The following RUNX1 variants were observed in gnomAD, a reference collection of about 807,000 sequenced individuals.
The protein encoded by RUNX1 is RUNX family transcription factor 1, also known as runt-related transcription factor 1.
A neutral mutation model predicts 42.8 loss-of-function variants in RUNX1; 19 were observed. The observed-to-expected ratio is 0.44, with a 90% CI of 0.31 to 0.65. The LOEUF (loss-of-function observed/expected upper bound fraction) is 0.65, where lower values mean the gene tolerates loss of function less well. RUNX1 is among the 30% of genes least tolerant of loss of function. The pLI is 0.07. For missense variants in RUNX1, 528 were observed against 672.0 expected (o/e 0.79, Z 2.37); for synonymous variants, 271 against 289.4 (o/e 0.94, Z 0.64).
intron 7 of RUNX1, among the ~76,000 whole-genome samples, chr21:34,818,595 C>T (rs2056864675): frequency 6.6e-6 from 1 of 152,188 alleles, no homozygotes; most frequent in Non-Finnish European, 1.5e-5. Flanking sequence ...GCCAACACCT[C>T]CAGTACCGGA....
At chr21:34,878,181 AAAAG>A (rs1214155142) in intron 5 of RUNX1, among the ~76,000 whole-genome samples, 1 of 151,172 alleles carries the variant, frequency 6.6e-6, no homozygotes. Flanking sequence ...AAAAAAAAAA[AAAAG>A]AAGAAGAAGG....
chr21:34,828,545 C>T (rs2057021187), intron 7 of RUNX1, among the ~76,000 whole-genome samples: 1 of 152,154 alleles, frequency 6.6e-6, no homozygotes. Context: ...AAATGAGAAT[C>T]ACATGAATTT....
chr21:34,956,525 A>G (rs2058645401), intron 2 of RUNX1, among the ~76,000 whole-genome samples: 1 of 152,190 alleles, frequency 6.6e-6, no homozygotes, highest in South Asian at 2.1e-4. Context: ...GAAATAAAAA[A>G]CACAGTGACT....
At chr21:34,885,665 T>C (rs1028015694) in intron 4 of RUNX1, among the ~76,000 whole-genome samples, 6 of 152,218 alleles carry the variant, frequency 3.9e-5, no homozygotes, top group African/African-American at 1.4e-4. Flanking sequence ...TTCGTCGTTG[T>C]AATAAGATCA....
At chr21:34,947,154 G>C (rs1367822454) in intron 2 of RUNX1, among the ~76,000 whole-genome samples, 2 of 152,212 alleles carry the variant, frequency 1.3e-5, no homozygotes, top group Admixed American at 1.3e-4. Flanking sequence ...TGGATTATAA[G>C]ATGTTTGAGT....
At chr21:34,889,638 G>A in intron 3 of RUNX1, 1 of 1,093,780 alleles carries the variant, frequency 9.1e-7, no homozygotes. Context: ...TCCTCTCCCC[G>A]CCCCCGTGCG....
chr21:34,879,114 G>A (rs928529438), intron 5 of RUNX1, among the ~76,000 whole-genome samples: 2 of 152,180 alleles, frequency 1.3e-5, no homozygotes, highest in African/African-American at 4.8e-5. Flanking sequence ...CACCCACTCT[G>A]CCAGCTACTC....
At chr21:34,840,175 T>C (rs1174323957) in intron 6 of RUNX1, among the ~76,000 whole-genome samples, 2 of 152,182 alleles carry the variant, frequency 1.3e-5, no homozygotes, top group Admixed American at 6.5e-5. Flanking sequence ...GTGCCATCTA[T>C]AGAAAGACTT....
chr21:34,949,608 T>C (rs1366879028), intron 2 of RUNX1, among the ~76,000 whole-genome samples: 1 of 152,138 alleles, frequency 6.6e-6, no homozygotes, highest in Non-Finnish European at 1.5e-5. Flanking sequence ...GTGTACTTGT[T>C]AATTAAGAGT....
At chr21:34,947,752 G>A (rs1298180392) in intron 2 of RUNX1, among the ~76,000 whole-genome samples, 4 of 152,204 alleles carry the variant, frequency 2.6e-5, no homozygotes, top group Non-Finnish European at 4.4e-5. Flanking sequence ...GTCCGCCACA[G>A]TCTGAAGGGA....
At chr21:34,976,808 A>C (rs557445150) in intron 2 of RUNX1, among the ~76,000 whole-genome samples, 1 of 152,246 alleles carries the variant, frequency 6.6e-6, no homozygotes, top group African/African-American at 2.4e-5. Context: ...CTGTAAAATA[A>C]TCTGCCTTTA....
At chr21:34,876,171 G>A (rs548828322) in intron 5 of RUNX1, among the ~76,000 whole-genome samples, 3 of 152,158 alleles carry the variant, frequency 2.0e-5, no homozygotes, top group Non-Finnish European at 2.9e-5. Flanking sequence ...CGAGGGAAGC[G>A]ACTGTCCTTT....
intron 2 of RUNX1, among the ~76,000 whole-genome samples, chr21:34,936,021 C>T (rs781647460): frequency 6.6e-6 from 1 of 152,142 alleles, no homozygotes; most frequent in Non-Finnish European, 1.5e-5. Context: ...AAACAGAATT[C>T]GGAGTTTACT....
At position 34,792,396 on chromosome 21, in the gene RUNX1, G is replaced by A. The variant is rs1401378869; in HGVS notation, c.1182C>T (p.Gly394=). The stretch of plus-strand genomic sequence containing the variant: ...AGGAGGGCGAGCTGGCTTGGAACGG[G>A]CCTCCCTGCGCTTGCGACGAGCCGG... ...PYPGSSQAQG[G]PFQASSPSYH... is the part of the protein sequence containing the mutation. The change falls in exon 9 of 9, where the codon GGC becomes GGT. Residue 394 remains glycine (G), a synonymous_variant. Coordinates refer to ENST00000675419, the MANE Select transcript of RUNX1 (RefSeq NM_001754.5). The surrounding 1 kb of genome is among the most constrained non-coding windows in gnomAD (Gnocchi z 6.9). 6.4e-7 allele frequency: 1 copy of A among 1,565,988 alleles called. No homozygotes were observed. The highest frequency in any genetic ancestry group is 1.2e-5 in the South Asian group (1 of 85,324).
At chr21:34,903,873 AAAAAATAGCTG>A (rs1273345494) in intron 2 of RUNX1, among the ~76,000 whole-genome samples, 1 of 152,198 alleles carries the variant, frequency 6.6e-6, no homozygotes, top group African/African-American at 2.4e-5. Context: ...AGTCTGAAAT[AAAAAATAGCTG>A]GAAAAAGCAA....
intron 2 of RUNX1, among the ~76,000 whole-genome samples, chr21:35,037,838 G>A (rs180719342): frequency 4.6e-5 from 7 of 152,228 alleles, no homozygotes; most frequent in African/African-American, 7.2e-5. Flanking sequence ...TATTACTATC[G>A]GTTTTAAAGT....
intron 2 of RUNX1, among the ~76,000 whole-genome samples, chr21:34,917,231 C>A (rs1239431687): frequency 6.6e-6 from 1 of 152,168 alleles, no homozygotes; most frequent in Non-Finnish European, 1.5e-5. Context: ...CATCGGCCAA[C>A]TGGGAGATAG....
intron 5 of RUNX1, among the ~76,000 whole-genome samples, chr21:34,875,062 A>T (rs904226576): frequency 2.6e-5 from 4 of 152,252 alleles, no homozygotes; most frequent in Non-Finnish European, 5.9e-5. Context: ...ACCTCAATTT[A>T]AAAAAGCTGT....
chr21:34,799,918 CT>C (rs916797989), intron 7 of RUNX1, among the ~76,000 whole-genome samples: 7 of 151,232 alleles, frequency 4.6e-5, no homozygotes, highest in South Asian at 4.2e-4. Context: ...GAGTTTTGGG[CT>C]TTTTTTTTAT....
Sources: allele counts gnomAD v4.1 joint callset (sites outside exome capture counted in the v4.1 genomes callset), GRCh38; gene constraint gnomAD v4.1.1; non-coding constraint Gnocchi (gnomAD v3.1); transcripts MANE v1.5; gene names NCBI Gene and HGNC (gene_info 2026-07-23, HGNC 2026-07-21).